Variants in PTPRM observed in about 807,000 individuals in gnomAD.
PTPRM encodes the protein receptor-type tyrosine-protein phosphatase mu.
Under a neutral mutation model 186.7 loss-of-function variants are expected in PTPRM, and 47 were observed. That is an observed-to-expected ratio of 0.25 (90% confidence interval 0.20 to 0.32). PTPRM has a LOEUF of 0.32. Ranked by LOEUF, PTPRM falls within the 10% of genes least tolerant of loss-of-function variation. PTPRM has a pLI of 1.00. For synonymous variants in PTPRM, 668 were observed against 674.9 expected (o/e 0.99, Z 0.16); for missense variants, 1,494 against 1,865.0 (o/e 0.80, Z 3.66).
chr18:8,063,868 C>G (rs1049858686), intron 7 of PTPRM, among the ~76,000 whole-genome samples: 3 of 152,148 alleles, frequency 2.0e-5, no homozygotes, highest in Non-Finnish European at 4.4e-5. Flanking sequence ...TTTAAATGTA[C>G]TAGCCAAACC....
intron 6 of PTPRM, among the ~76,000 whole-genome samples, chr18:7,951,395 G>A (rs2147078435): frequency 6.6e-6 from 1 of 152,134 alleles, no homozygotes; most frequent in East Asian, 1.9e-4. Flanking sequence ...CACTACCCAT[G>A]TTATTGATTA....
intron 11 of PTPRM, among the ~76,000 whole-genome samples, chr18:8,103,700 T>A (rs1380183053): frequency 6.6e-6 from 1 of 152,230 alleles, no homozygotes; most frequent in African/African-American, 2.4e-5. Context: ...CGTTTCACTT[T>A]CCTATCATTC....
At position 8,336,625 on chromosome 18, in the gene PTPRM, AGAGGAG is replaced by A. The variant is rs144825734; in HGVS notation, c.2957-6786_2957-6781del. Among the ~76,000 whole-genome samples, 1,297 of 143,050 alleles carry A rather than the reference AGAGGAG, an allele frequency of 9.1e-3. 7 individuals carry two copies. The highest frequency in any genetic ancestry group is 0.014 in the African/African-American group (551 of 38,348). The allele number at this position is 143,050 out of a possible 152,430, so 93.8% of individuals were successfully genotyped here. A position where few individuals can be genotyped will look rare whatever the true frequency, so the allele number is the denominator to read the frequency against. On this transcript the variant is annotated intron_variant, in intron 22 of 32. Coordinates refer to ENST00000580170, the MANE Select transcript of PTPRM (RefSeq NM_001105244.2). ...AAAGAAGAGAGGAGGAGGGGGAGGG[AGAGGAG>A]GAGGAGGAGGAAAAAGAAGGAGAAG...
chr18:7,685,828 G>T (rs1354424860), intron 1 of PTPRM, among the ~76,000 whole-genome samples: 2 of 152,074 alleles, frequency 1.3e-5, no homozygotes, highest in African/African-American at 4.8e-5. Flanking sequence ...TGGTTAAAAT[G>T]GAGTCAATAT....
At chr18:7,709,612 A>C (rs971521653) in intron 1 of PTPRM, among the ~76,000 whole-genome samples, 4 of 152,180 alleles carry the variant, frequency 2.6e-5, no homozygotes, top group Non-Finnish European at 5.9e-5. Context: ...TAAATGAAAC[A>C]AAAAGCTGGT....
chr18:8,013,080 T>C (rs1469261148), intron 7 of PTPRM, among the ~76,000 whole-genome samples: 1 of 152,154 alleles, frequency 6.6e-6, no homozygotes, highest in Non-Finnish European at 1.5e-5. Flanking sequence ...AAGTCCCCTA[T>C]CTTGGTATAA....
At chr18:7,847,292 G>A (rs1370080444) in intron 2 of PTPRM, among the ~76,000 whole-genome samples, 2 of 150,934 alleles carry the variant, frequency 1.3e-5, no homozygotes. Context: ...TCAGCCTCCT[G>A]CGTAGCCGTG....
Position 8,319,181 on chromosome 18 carries a change from T to C in PTPRM, c.2923T>C (p.Tyr975His). The stretch of plus-strand genomic sequence containing the variant: ...ATTCTCTTTTATTTATTTTTAGGGT[T>C]ATCATCGACCCAATCATTACATTGC... ...DYINGNYIDG[Y>H]HRPNHYIATQ... Residue 975 changes from tyrosine to histidine, a missense_variant, in exon 22 of 33, where the codon TAT (tyrosine) becomes CAT (histidine). Around this residue, in one of 3 missense-constraint regions of PTPRM, gnomAD observed 1,107 missense variants for 1,350.2 expected, o/e 0.82. Coordinates refer to ENST00000580170, the MANE Select transcript of PTPRM (RefSeq NM_001105244.2). The C allele has an allele frequency of 6.5e-7, 1 of 1,546,610 alleles. No individual in the cohort carries two copies. The highest frequency in any genetic ancestry group is 8.9e-7 in the Non-Finnish European group (1 of 1,123,284).
At chr18:7,812,908 C>G (rs955106441) in intron 2 of PTPRM, among the ~76,000 whole-genome samples, 42 of 152,246 alleles carry the variant, frequency 2.8e-4, no homozygotes, top group African/African-American at 9.1e-4. Flanking sequence ...TGGATCTTGT[C>G]AGTTTGAGGT....
chr18:7,625,511 C>G (rs1444486033), intron 1 of PTPRM, among the ~76,000 whole-genome samples: 2 of 141,604 alleles, frequency 1.4e-5, no homozygotes, highest in African/African-American at 5.1e-5. Flanking sequence ...TCCATGACCT[C>G]TTGAATGAAA....
At chr18:8,085,492 A>T (rs1173794807) in intron 9 of PTPRM, among the ~76,000 whole-genome samples, 179 bp from the exon 10 acceptor site, 1 of 152,164 alleles carries the variant, frequency 6.6e-6, no homozygotes, top group Non-Finnish European at 1.5e-5. Context: ...TAAAAGTAAT[A>T]ACTCAGCAGC....
intron 1 of PTPRM, among the ~76,000 whole-genome samples, chr18:7,707,250 A>G (rs886319372): frequency 6.6e-6 from 1 of 152,134 alleles, no homozygotes; most frequent in Non-Finnish European, 1.5e-5. Context: ...TCACTACAGG[A>G]TATTTTTCAA....
chr18:7,624,102 G>T (rs1424198004), intron 1 of PTPRM, among the ~76,000 whole-genome samples: 2 of 152,076 alleles, frequency 1.3e-5, no homozygotes, highest in Non-Finnish European at 2.9e-5. Context: ...CCTGCCTCTG[G>T]GATTTTACAT....
chr18:8,153,367 G>T (rs183845138), intron 14 of PTPRM, among the ~76,000 whole-genome samples: 2 of 152,194 alleles, frequency 1.3e-5, no homozygotes, highest in Admixed American at 1.3e-4. Flanking sequence ...AGTCGTTGAG[G>T]TTATGTTATA....
chr18:7,792,384 A>C (rs2043384308), intron 2 of PTPRM, among the ~76,000 whole-genome samples: 1 of 152,286 alleles, frequency 6.6e-6, no homozygotes, highest in South Asian at 2.1e-4. Flanking sequence ...CAGAAGGTGC[A>C]TGAAGAGCCT....
chr18:8,023,115 G>A (rs1406629974), intron 7 of PTPRM, among the ~76,000 whole-genome samples: 1 of 152,092 alleles, frequency 6.6e-6, no homozygotes, highest in Non-Finnish European at 1.5e-5. Context: ...GGAGGTGATG[G>A]AAGGACAAGA....
chr18:8,302,568 T>G (rs1477782822), intron 20 of PTPRM, among the ~76,000 whole-genome samples: 1 of 152,110 alleles, frequency 6.6e-6, no homozygotes, highest in Non-Finnish European at 1.5e-5. Flanking sequence ...AAGGGACAGC[T>G]GTTGAGGAAT....
intron 14 of PTPRM, among the ~76,000 whole-genome samples, chr18:8,177,030 T>G (rs1190942214): frequency 6.6e-6 from 1 of 152,244 alleles, no homozygotes; most frequent in East Asian, 1.9e-4. Context: ...ATGTTTTTAC[T>G]TTTTTCATAT....
At chr18:8,069,125 A>G (rs1009686220) in intron 7 of PTPRM, among the ~76,000 whole-genome samples, 15 of 151,784 alleles carry the variant, frequency 9.9e-5, no homozygotes, top group South Asian at 8.3e-4. Context: ...AAAAAAAAAA[A>G]AAAAAAAAAG....
Sources: allele counts gnomAD v4.1 joint callset (sites outside exome capture counted in the v4.1 genomes callset), GRCh38; gene constraint gnomAD v4.1.1; regional missense constraint gnomAD v4.1.1; transcripts MANE v1.5; gene names NCBI Gene and HGNC (gene_info 2026-07-23, HGNC 2026-07-21).